SYNE2: variants seen among roughly 807,000 people sequenced by gnomAD.
SYNE2 encodes the protein spectrin repeat containing nuclear envelope protein 2, also known as nesprin-2.
SYNE2 carries 431 observed loss-of-function variants against 856.3 expected under a neutral mutation model. The observed-to-expected ratio is 0.50, with a 90% CI of 0.47 to 0.55. The LOEUF is 0.55. Among genes scored for constraint, SYNE2 ranks in the 20% least tolerant of loss-of-function variants. The pLI, the probability that SYNE2 is intolerant of heterozygous loss-of-function variation, is 0.00. For missense variants in SYNE2, 8,129 were observed against 8,023.2 expected (o/e 1.01, Z -0.50); for synonymous variants, 2,923 against 2,872.3 (o/e 1.02, Z -0.56).
chr14:63,832,686 G>T (rs1400119435), intron 1 of SYNE2, among the ~76,000 whole-genome samples: 1 of 151,834 alleles, frequency 6.6e-6, no homozygotes, highest in Middle Eastern at 3.2e-3. Context: ...ATAAGCCAGA[G>T]TTTAACAATT....
At chr14:64,213,439 C>G (rs999714865) in intron 105 of SYNE2, among the ~76,000 whole-genome samples, 7 of 152,160 alleles carry the variant, frequency 4.6e-5, no homozygotes, top group African/African-American at 1.4e-4. Context: ...GAAGAGAAAA[C>G]ACAAGAGTTT....
chr14:64,022,106 C>T, intron 37 of SYNE2, 78 bp downstream of exon 37: 1 of 1,349,642 alleles, frequency 7.4e-7, no homozygotes, highest in South Asian at 1.2e-5. Context: ...AAAAGCTAAT[C>T]TAAGCCTGAC....
At chr14:64,061,022 G>A (rs1042641009) in intron 49 of SYNE2, among the ~76,000 whole-genome samples, 1 of 152,182 alleles carries the variant, frequency 6.6e-6, no homozygotes, top group Non-Finnish European at 1.5e-5. Flanking sequence ...AGTGGCATCA[G>A]CAATTCAAGA....
rs568432924 is a variant in SYNE2, at chr14:63,888,973, G to A, written c.-51-20125G>A. Among the ~76,000 whole-genome samples, 13 of 151,544 alleles carry A rather than the reference G, an allele frequency of 8.6e-5. No individual in the cohort carries two copies. In the South Asian group the frequency reaches 1.0e-3, roughly 12 times the overall value. On this transcript the variant is annotated intron_variant, in intron 1 of 115. Coordinates refer to ENST00000555002, the MANE Select transcript of SYNE2 (RefSeq NM_182914.3). ...TCCCAGCACTTTGGGAGGCCGAGGTGGGTGGATTGCTTGAGCTCAGGAGTT... is the reference window on the plus strand; with the variant it reads ...TCCCAGCACTTTGGGAGGCCGAGGTAGGTGGATTGCTTGAGCTCAGGAGTT...
chr14:63,997,307 C>A lies in SYNE2; in HGVS notation c.3159C>A (p.Thr1053=), dbSNP rs912620703. 6.2e-7 allele frequency: 1 copy of A among 1,612,906 alleles called. No homozygotes were observed. Among genetic ancestry groups the A allele is most frequent in the East Asian group, 2.2e-5 (1 of 44,874 alleles). ...TAGGTSKNEG[T]ITTSENRGGD... The stretch of plus-strand genomic sequence containing the variant: ...AATTTTGATTCCTTTCTAGGGGGAC[C>A]ATCACCACATCTGAGAATAGAGGAG... Residue 1053 remains threonine (T), a synonymous_variant, in exon 25 of 116, where the codon ACC becomes ACA. Transcript: ENST00000555002.
intron 1 of SYNE2, among the ~76,000 whole-genome samples, chr14:63,770,258 A>G (rs1261112917): frequency 2.0e-5 from 3 of 152,110 alleles, no homozygotes; most frequent in Non-Finnish European, 4.4e-5. Flanking sequence ...AAATACATTA[A>G]AACTCCAAGA....
At chr14:63,804,331 G>C (rs1408088669) in intron 1 of SYNE2, among the ~76,000 whole-genome samples, 1 of 151,968 alleles carries the variant, frequency 6.6e-6, no homozygotes, top group Non-Finnish European at 1.5e-5. Context: ...TTACTCTGTT[G>C]ATAGTTTCTT....
intron 110 of SYNE2, among the ~76,000 whole-genome samples, chr14:64,219,819 C>T (rs1263112872): frequency 2.6e-5 from 4 of 152,218 alleles, no homozygotes; most frequent in Middle Eastern, 3.4e-3. Context: ...GGGAAAGGAC[C>T]GGCTCACCTA....
At chr14:64,191,056 A>G (rs1196087726) in intron 99 of SYNE2, 1 of 702,314 alleles carries the variant, frequency 1.4e-6, no homozygotes, top group Non-Finnish European at 2.6e-6. Context: ...GTTTTGAACA[A>G]CACATAGAAT....
intron 8 of SYNE2, among the ~76,000 whole-genome samples, chr14:63,956,607 T>C (rs2096244808): frequency 1.3e-5 from 2 of 152,160 alleles, no homozygotes; most frequent in Non-Finnish European, 2.9e-5. Flanking sequence ...AGTATACAAA[T>C]TAGTGGTTTC....
chr14:63,895,249 C>T (rs1393398634), intron 1 of SYNE2, among the ~76,000 whole-genome samples: 2 of 151,290 alleles, frequency 1.3e-5, no homozygotes, highest in African/African-American at 2.4e-5. Context: ...GGACTACAGG[C>T]GCCCGCCACC....
intron 11 of SYNE2, among the ~76,000 whole-genome samples, chr14:63,971,387 A>T (rs562139139): frequency 1.3e-5 from 2 of 152,168 alleles, no homozygotes; most frequent in South Asian, 4.2e-4. Flanking sequence ...AAGTGCTGGG[A>T]TTACAGATGT....
intron 1 of SYNE2, among the ~76,000 whole-genome samples, chr14:63,906,877 G>C (rs542342390): frequency 3.3e-5 from 5 of 152,286 alleles, no homozygotes; most frequent in African/African-American, 1.2e-4. Context: ...TTCAATGTCT[G>C]ATGAGGGCCT....
chr14:64,202,491 C>T (rs1438352880), intron 99 of SYNE2, among the ~76,000 whole-genome samples: 1 of 152,120 alleles, frequency 6.6e-6, no homozygotes, highest in African/African-American at 2.4e-5. Flanking sequence ...CTCTGGAGCC[C>T]CAGGAAGATG....
chr14:63,966,177 C>G (rs957855968), intron 10 of SYNE2, among the ~76,000 whole-genome samples: 1 of 151,972 alleles, frequency 6.6e-6, no homozygotes, highest in Non-Finnish European at 1.5e-5. Context: ...TGGAACAGAG[C>G]CATACCTGTC....
intron 48 of SYNE2, among the ~76,000 whole-genome samples, chr14:64,055,452 T>G (rs1448888757): frequency 6.9e-6 from 1 of 144,562 alleles, no homozygotes; most frequent in East Asian, 2.1e-4. Context: ...CACTGCAACC[T>G]CCGCCTCCCG....
At chr14:63,778,238 C>T (rs575043433) in intron 1 of SYNE2, among the ~76,000 whole-genome samples, 5 of 152,152 alleles carry the variant, frequency 3.3e-5, no homozygotes, top group African/African-American at 1.2e-4. Flanking sequence ...TGCCCTCTCA[C>T]CTGCCCCGTT....
chr14:63,993,870 C>T lies in SYNE2; in HGVS notation c.2682C>T (p.Ala894=). ...ALIISNTKSL[A]KYLKAVEELK... ...TAATTTCTAATACAAAAAGTCTGGC[C>T]AAGTATTTGAAAGCTGTTGAAGAAC... The change falls in exon 22 of 116, where the codon GCC becomes GCT. Residue 894 remains alanine, a synonymous_variant. Transcript: ENST00000555002. The T allele has an allele frequency of 1.2e-6, 2 of 1,610,134 alleles. No homozygotes were observed. Among genetic ancestry groups the T allele is most frequent in the Non-Finnish European group, 1.7e-6 (2 of 1,178,122 alleles).
At chr14:64,003,684 T>G (rs1229483444) in intron 30 of SYNE2, among the ~76,000 whole-genome samples, 2 of 152,180 alleles carry the variant, frequency 1.3e-5, no homozygotes. Flanking sequence ...GACTCCACGC[T>G]GTGATATTAA....
Sources: gnomAD v4.1 joint callset for allele counts (sites outside exome capture counted in the v4.1 genomes callset) on GRCh38, gnomAD v4.1.1 for gene constraint, MANE v1.5 for transcripts, NCBI Gene and HGNC (gene_info 2026-07-23, HGNC 2026-07-21) for gene names.